The following SBF1 variants were observed in gnomAD, a reference collection of about 807,000 sequenced individuals.
The protein encoded by SBF1 is myotubularin-related protein 5.
A neutral mutation model predicts 215.8 loss-of-function variants in SBF1; 65 were observed. The observed-to-expected ratio is 0.30, with a 90% confidence interval of 0.25 to 0.37. The LOEUF (loss-of-function observed/expected upper bound fraction) is 0.37. Ranked by LOEUF, SBF1 falls within the 10% of genes least tolerant of loss-of-function variation. The pLI is 1.00. For synonymous variants in SBF1, 1,410 were observed against 1,122.8 expected (o/e 1.26, Z -5.11); for missense variants, 2,634 against 2,667.8 (o/e 0.99, Z 0.28).
At position 50,445,516 on chromosome 22, in the gene SBF1, T is replaced by G. The variant is rs1211329621; in HGVS notation, c.*1626A>C. On this transcript the variant is annotated 3_prime_UTR_variant, in exon 41 of 41. Coordinates refer to ENST00000380817, the MANE Select transcript of SBF1 (RefSeq NM_002972.4). ...CCGAGTCTCTGCCCCAGCTACACAT[T>G]GAGTGCCTTGTTCTCGCCGCCTACC... The G allele has an allele frequency of 6.6e-6, 1 of 152,198 alleles. No individual in the cohort carries two copies. The highest frequency in any genetic ancestry group is 2.4e-5 in the African/African-American group (1 of 41,432). The allele number at this position is 152,198 out of a possible 1,614,324, so 9.4% of individuals were successfully genotyped here. A position where few individuals can be genotyped will look rare whatever the true frequency, so the allele number is the denominator to read the frequency against.
intron 36 of SBF1, among the ~76,000 whole-genome samples, chr22:50,454,148 G>A (rs879849229): frequency 2.6e-5 from 4 of 152,362 alleles, no homozygotes; most frequent in Non-Finnish European, 5.9e-5. Flanking sequence ...GTCTGGCAGA[G>A]GGAGTAAAAC....
chr22:50,466,779 G>C lies in SBF1; in HGVS notation c.550-69C>G. 9 of 1,130,574 alleles carry C rather than the reference G, an allele frequency of 8.0e-6. No homozygotes were observed. The South Asian group carries it at 1.3e-4, about 16-fold the overall frequency. 70.0% of individuals were successfully genotyped at this position (1,130,574 alleles called of 1,614,324 possible). A position where few individuals can be genotyped will look rare whatever the true frequency, so the allele number is the denominator to read the frequency against. ...CAGCCCAGAGTCAGCCCAGAGCTCTGTGTCCCCAGGCAGACCCTGGTGTAC... is the reference window on the plus strand; with the variant it reads ...CAGCCCAGAGTCAGCCCAGAGCTCTCTGTCCCCAGGCAGACCCTGGTGTAC... On this transcript the variant is annotated intron_variant, in intron 5 of 40. Coordinates refer to ENST00000380817, the MANE Select transcript of SBF1 (RefSeq NM_002972.4).
rs777463683 is a variant in SBF1, at chr22:50,456,557, C to T, written c.4021G>A (p.Asp1341Asn). The T allele has an allele frequency of 1.3e-5, 20 of 1,575,700 alleles. No homozygotes were observed. In the African/African-American group the frequency reaches 1.9e-4, roughly 15 times the overall value. Residue 1341 changes from aspartate (D) to asparagine (N), a missense_variant, in exon 30 of 41, where the codon GAC becomes AAC. Physicochemically the swap from Asp to Asn is conservative, Grantham distance 23 (BLOSUM62 1). Transcript: ENST00000380817. ...APPQANGGPPDPGFLRPQRAA... is the reference protein window; with the variant it reads ...APPQANGGPPNPGFLRPQRAA... The stretch of plus-strand genomic sequence containing the variant: ...CGCTGCGGACGCAGGAAGCCCGGGT[C>T]GGGAGGGCCCCCGTTGGCCTGGGGT...
In SBF1 at chr22:50,466,271, C is replaced by A. The variant is rs1174278124; in HGVS notation, c.789-13G>T. The A allele has an allele frequency of 6.2e-7, 1 of 1,613,396 alleles. No individual in the cohort carries two copies. The highest frequency in any genetic ancestry group is 8.5e-7 in the Non-Finnish European group (1 of 1,179,970). The stretch of plus-strand genomic sequence containing the variant: ...CACATAGGTGAAGCTGTGCAGGCCC[C>A]AGAGGATGCAGTGAGCCAGGGGACG... On this transcript the variant is annotated splice_polypyrimidine_tract_variant and intron_variant, in intron 7 of 40. Transcript: ENST00000380817.
At position 50,446,994 on chromosome 22, in the gene SBF1, G is replaced by A. The variant is rs556415507; in HGVS notation, c.*148C>T. ...TAGGGCCGGCCGGGCGGGGCGGGGC[G>A]GGGACGGGGGCTGTACACACAAGTG... is the stretch of plus-strand genomic sequence containing the variant. On this transcript the variant is annotated 3_prime_UTR_variant, in exon 41 of 41. Transcript: ENST00000380817. 1,894 of 759,182 alleles carry A rather than the reference G, an allele frequency of 2.5e-3. 6 individuals are homozygous for A. The highest frequency in any genetic ancestry group is 3.4e-3 in the Non-Finnish European group (1,513 of 443,910). 47.0% of individuals were successfully genotyped at this position (759,182 alleles called of 1,614,324 possible). A position where few individuals can be genotyped will look rare whatever the true frequency, so the allele number is the denominator to read the frequency against.
In SBF1 at chr22:50,460,118, C is replaced by A; in HGVS notation, c.3325G>T (p.Ala1109Ser). 1 of 1,613,150 alleles carries A rather than the reference C, an allele frequency of 6.2e-7. No homozygotes were observed. The highest frequency in any genetic ancestry group is 1.1e-5 in the South Asian group (1 of 91,086). ...GTCATGCGGTCGGAGGGCTTCAGGG[C>A]TGAGGACGGGGTCAGCGTGCTGGGC... ...LEPSTLTPSS[A>S]LKPSDRMTMS... Residue 1109 changes from alanine to serine, a missense_variant, in exon 26 of 41, where the codon GCC becomes TCC. Transcript: ENST00000380817.
intron 25 of SBF1, 55 bp downstream of exon 25, chr22:50,460,217 C>G: frequency 6.2e-7 from 1 of 1,602,434 alleles, no homozygotes; most frequent in Non-Finnish European, 8.5e-7. Flanking sequence ...CCTGATCCTC[C>G]CTGGCCAATG....
At chr22:50,467,207 G>A (rs937514951) in intron 5 of SBF1, 131 bp downstream of exon 5, 9 of 712,822 alleles carry the variant, frequency 1.3e-5, no homozygotes, top group Admixed American at 2.5e-5. Flanking sequence ...GGGCAATGGT[G>A]GCACGAGGAC....
rs757529746 is a variant in SBF1, at chr22:50,460,405, G to A, written c.3150C>T (p.Thr1050=). 6.2e-7 allele frequency: 1 copy of A among 1,610,210 alleles called. No individual in the cohort carries two copies. Residue 1050 remains threonine (T), a synonymous_variant, in exon 25 of 41, where the codon ACC becomes ACT. Coordinates refer to ENST00000380817, the MANE Select transcript of SBF1 (RefSeq NM_002972.4). ...CGTTCTTGACCAGGTTCCGGGACAGGGTTCTGAGGCCCACGAGAGTCAGCA... is the reference window on the plus strand; with the variant it reads ...CGTTCTTGACCAGGTTCCGGGACAGAGTTCTGAGGCCCACGAGAGTCAGCA... The part of the protein sequence containing the change: ...VTKDKGPSLR[T]LSRNLVKNAK...
Position 50,446,356 on chromosome 22 carries a change from T to TTCCCCCCCCCCCCCCCCCCCCCCCCCC in SBF1, c.*785_*786insGGGGGGGGGGGGGGGGGGGGGGGGGGA, listed in dbSNP as rs2066808396. 1 of 35,048 alleles carries TTCCCCCCCCCCCCCCCCCCCCCCCCCC rather than the reference T, an allele frequency of 2.9e-5. No individual in the cohort carries two copies. Among genetic ancestry groups the TTCCCCCCCCCCCCCCCCCCCCCCCCCC allele is most frequent in the African/African-American group, 1.3e-4 (1 of 7,646 alleles). 2.2% of individuals were successfully genotyped at this position (35,048 alleles called of 1,614,324 possible). Reference sequence around the variant, plus strand: ...CCTGCATTCCCCTGGGAGCCCACTGTCCCCCCCCCCCCCCCGCCTCCGGCC... The same window carrying TTCCCCCCCCCCCCCCCCCCCCCCCCCC: ...CCTGCATTCCCCTGGGAGCCCACTGTTCCCCCCCCCCCCCCCCCCCCCCCCCCCCCCCCCCCCCCCCCGCCTCCGGCC... On this transcript the variant is annotated 3_prime_UTR_variant, in exon 41 of 41. Transcript: ENST00000380817.
intron 31 of SBF1, 108 bp from the exon 32 acceptor site, chr22:50,455,690 G>C: frequency 1.1e-6 from 1 of 887,288 alleles, no homozygotes; most frequent in Admixed American, 2.1e-5. Flanking sequence ...GGCAGGCCCT[G>C]TCCACAGCCC....
chr22:50,446,141 T>A lies in SBF1; in HGVS notation c.*1001A>T, dbSNP rs915144152. ...GCCCTGGGCCTGGTGGGACTCAGGT[T>A]TGAATAGGAAAAGAGCAGTGAGGGG... On this transcript the variant is annotated 3_prime_UTR_variant, in exon 41 of 41. Transcript: ENST00000380817. 1.3e-5 allele frequency: 2 copies of A among 152,400 alleles called. No homozygotes were observed. The highest frequency in any genetic ancestry group is 2.4e-5 in the African/African-American group (1 of 41,366). The allele number at this position is 152,400 out of a possible 1,614,324, so 9.4% of individuals were successfully genotyped here.
intron 36 of SBF1, 137 bp from the exon 37 acceptor site, chr22:50,448,787 CA>C (rs1443401702): frequency 1.5e-6 from 1 of 647,078 alleles, no homozygotes; most frequent in African/African-American, 1.8e-5. Context: ...GGGGAGGTGG[CA>C]AGAGGGAGGG....
Position 50,447,250 on chromosome 22 carries a change from G to A in SBF1, c.5584-10C>T, listed in dbSNP as rs1246970628. On this transcript the variant is annotated splice_polypyrimidine_tract_variant and intron_variant, in intron 40 of 40. Transcript: ENST00000380817. ...GACGCGTTGTCTTCACCTGGGGAAG[G>A]GCGGGTTACTGACTCCGCAGCCCCC... 6.2e-7 allele frequency: 1 copy of A among 1,613,820 alleles called. No individual in the cohort carries two copies. The highest frequency in any genetic ancestry group is 8.5e-7 in the Non-Finnish European group (1 of 1,179,800).
At chr22:50,453,986 A>G (rs4824146) in intron 36 of SBF1, among the ~76,000 whole-genome samples, 57,689 of 151,694 alleles carry the variant, frequency 0.38, 12,002 homozygotes, top group Non-Finnish European at 0.47. Context: ...CCACCACCCA[A>G]TCGCAGTCTC....
In SBF1 at chr22:50,446,888, GC is replaced by G; in HGVS notation, c.*253del. On this transcript the variant is annotated 3_prime_UTR_variant, in exon 41 of 41. Transcript: ENST00000380817. Reference sequence around the variant, plus strand: ...GGCTGGACCAGCACACGCTGACGGGGCCGGACTATTTACAGGCCCATTGCGG... The same window carrying G: ...GGCTGGACCAGCACACGCTGACGGGGCGGACTATTTACAGGCCCATTGCGG... 1 of 744,490 alleles carries G rather than the reference GC, an allele frequency of 1.3e-6. No homozygotes were observed. Among genetic ancestry groups the G allele is most frequent in the Non-Finnish European group, 2.5e-6 (1 of 407,238 alleles). 46.1% of individuals were successfully genotyped at this position (744,490 alleles called of 1,614,324 possible). A position where few individuals can be genotyped will look rare whatever the true frequency, so the allele number is the denominator to read the frequency against.
chr22:50,466,635 A>G lies in SBF1; in HGVS notation c.625T>C (p.Cys209Arg). 2 of 1,552,828 alleles carry G rather than the reference A, an allele frequency of 1.3e-6. No individual in the cohort carries two copies. The highest frequency in any genetic ancestry group is 8.7e-7 in the Non-Finnish European group (1 of 1,148,006). ...TGGCGGAAGAGCAGGGCCACGCTGC[A>G]GCGGCTGACGGGCAGCGAGTCGGCC... The part of the protein sequence containing the change: ...PLADSLPVSR[C>R]SVALLFRQLG... The change falls in exon 6 of 41, where the codon TGC (cysteine) becomes CGC (arginine). Residue 209 changes from cysteine (C) to arginine (R), a missense_variant. Physicochemically the swap from Cys to Arg is radical, Grantham distance 180 (BLOSUM62 -3). Transcript: ENST00000380817.
intron 1 of SBF1, among the ~76,000 whole-genome samples, chr22:50,468,928 TCAA>T (rs2067894695): frequency 1.3e-5 from 2 of 151,888 alleles, no homozygotes; most frequent in Non-Finnish European, 2.9e-5. Context: ...TGTGTGGGGT[TCAA>T]GAAGCCTCAG....
In SBF1 at chr22:50,464,863, C is replaced by T. The variant is rs750024368; in HGVS notation, c.1387G>A (p.Val463Ile). ...GCCAGTTCCTGGACGTGACGCAGGACACGCTGGGGGTGGTTCTCATCCGCC... is the reference window on the plus strand; with the variant it reads ...GCCAGTTCCTGGACGTGACGCAGGATACGCTGGGGGTGGTTCTCATCCGCC... ...MRADENHPQR[V>I]LRHVQELAEQ... Residue 463 changes from valine to isoleucine, a missense_variant, in exon 13 of 41, where the codon GTC (valine) becomes ATC (isoleucine). Transcript: ENST00000380817. The T allele has an allele frequency of 6.2e-7, 1 of 1,613,642 alleles. No individual in the cohort carries two copies. Among genetic ancestry groups the T allele is most frequent in the Non-Finnish European group, 8.5e-7 (1 of 1,180,012 alleles).
Sources: gnomAD v4.1 joint callset for allele counts (sites outside exome capture counted in the v4.1 genomes callset) on GRCh38, gnomAD v4.1.1 for gene constraint, MANE v1.5 for transcripts, NCBI Gene and HGNC (gene_info 2026-07-23, HGNC 2026-07-21) for gene names.